EPHA4: variants seen among roughly 807,000 people sequenced by gnomAD.
EPHA4 encodes ephrin type-A receptor 4.
Under a neutral mutation model 108.3 loss-of-function variants are expected in EPHA4, and 19 were observed. That is an observed-to-expected ratio of 0.18 (90% CI 0.12 to 0.26). The LOEUF is 0.26. EPHA4 is among the 10% of genes least tolerant of loss of function. The pLI, the probability that EPHA4 is intolerant of heterozygous loss-of-function variation, is 1.00. For synonymous variants in EPHA4, 449 were observed against 455.5 expected, an observed-to-expected ratio of 0.99 and a Z score of 0.18; for missense variants, 917 against 1,254.0, an observed-to-expected ratio of 0.73 and a Z score of 4.06.
At chr2:221,537,911 T>C (rs1223694599) in intron 3 of EPHA4, among the ~76,000 whole-genome samples, 1 of 152,224 alleles carries the variant, frequency 6.6e-6, no homozygotes, top group African/African-American at 2.4e-5. Flanking sequence ...TCCAAAACAT[T>C]TCCACAAAAG....
At chr2:221,504,176 T>G (rs1036647579) in intron 3 of EPHA4, among the ~76,000 whole-genome samples, 2 of 152,196 alleles carry the variant, frequency 1.3e-5, no homozygotes, top group African/African-American at 2.4e-5. Flanking sequence ...CTGCCCTATT[T>G]CCACCGAAGT....
At chr2:221,430,187 AG>A in intron 14 of EPHA4, 36 bp from the exon 15 acceptor site, 1 of 1,559,164 alleles carries the variant, frequency 6.4e-7, no homozygotes, top group Non-Finnish European at 8.7e-7. Flanking sequence ...TTAAGCTGCC[AG>A]GCAAGCTGCT....
chr2:221,474,189 G>C (rs1691584932), intron 5 of EPHA4, among the ~76,000 whole-genome samples: 1 of 152,046 alleles, frequency 6.6e-6, no homozygotes, highest in Non-Finnish European at 1.5e-5. Flanking sequence ...GGCTCTTTTG[G>C]CAGGCTTTTA....
At chr2:221,560,484 A>G (rs1225300535) in intron 3 of EPHA4, among the ~76,000 whole-genome samples, 1 of 152,188 alleles carries the variant, frequency 6.6e-6, no homozygotes, top group Non-Finnish European at 1.5e-5. Context: ...GTATATTATT[A>G]TTTGTTAGGG....
chr2:221,550,312 A>T (rs910030822), intron 3 of EPHA4, among the ~76,000 whole-genome samples: 1 of 152,142 alleles, frequency 6.6e-6, no homozygotes, highest in Non-Finnish European at 1.5e-5. Flanking sequence ...TTTGCAAAGA[A>T]AAGATAGTTC....
intron 17 of EPHA4, among the ~76,000 whole-genome samples, chr2:221,421,453 A>C (rs964309023): frequency 7.2e-5 from 11 of 152,234 alleles, no homozygotes; most frequent in South Asian, 2.1e-4. Context: ...CAGGCAGGAG[A>C]GAGGGAACAT....
chr2:221,458,883 A>T lies in EPHA4; in HGVS notation c.1319-893T>A, dbSNP rs569968803. On this transcript the variant is annotated intron_variant, in intron 5 of 17. Transcript: ENST00000281821. ...ATTCATGAAATCCTTAATCTTATCT[A>T]ACAAAGCTGCCCTGGAGAACCAGAG... 3.9e-4 allele frequency among the ~76,000 whole-genome samples: 60 copies of T among 152,288 alleles called. 1 individual carries two copies. The highest frequency in any genetic ancestry group is 1.3e-3 in the African/African-American group (56 of 41,560).
At chr2:221,518,645 A>G (rs1165364505) in intron 3 of EPHA4, among the ~76,000 whole-genome samples, 1 of 152,254 alleles carries the variant, frequency 6.6e-6, no homozygotes, top group Non-Finnish European at 1.5e-5. Flanking sequence ...ACCAAGCTGT[A>G]CGAAGATCAT....
intron 4 of EPHA4, among the ~76,000 whole-genome samples, chr2:221,491,527 T>A (rs1692143066): frequency 6.6e-6 from 1 of 152,126 alleles, no homozygotes; most frequent in Non-Finnish European, 1.5e-5. Flanking sequence ...ACAAATAATA[T>A]AAAGAAAATA....
intron 3 of EPHA4, among the ~76,000 whole-genome samples, chr2:221,514,440 G>T (rs181254065): frequency 4.6e-5 from 7 of 152,246 alleles, no homozygotes; most frequent in Middle Eastern, 3.4e-3. Context: ...TCCCAACCTC[G>T]GGGATTTTGG....
At chr2:221,440,608 C>CT (rs540476239) in intron 11 of EPHA4, among the ~76,000 whole-genome samples, 22,071 of 139,638 alleles carry the variant, frequency 0.16, 2,134 homozygotes, top group East Asian at 0.27. Flanking sequence ...ACCAAGGTTC[C>CT]TTTTTTTTTT....
rs781338755 is a variant in EPHA4, at chr2:221,568,789, C to CA, written c.92-5dup. The CA allele has an allele frequency of 2.8e-5, 45 of 1,609,802 alleles. No individual in the cohort carries two copies. The highest frequency in any genetic ancestry group is 1.6e-4 in the Middle Eastern group (1 of 6,072). On this transcript the variant is annotated splice_region_variant and splice_polypyrimidine_tract_variant and intron_variant, in intron 1 of 17. Transcript: ENST00000281821. Reference sequence around the variant, plus strand: ...GATCTGGAATCCAATAAGGTAACTGCAAAAAACAAAAGAAAAATAGATGAA... The same window carrying CA: ...GATCTGGAATCCAATAAGGTAACTGCAAAAAAACAAAAGAAAAATAGATGAA...
At chr2:221,533,609 C>T (rs547706595) in intron 3 of EPHA4, among the ~76,000 whole-genome samples, 6 of 151,680 alleles carry the variant, frequency 4.0e-5, no homozygotes, top group Non-Finnish European at 7.4e-5. Flanking sequence ...TGAACGAGTT[C>T]CAGTCTATGG....
intron 3 of EPHA4, among the ~76,000 whole-genome samples, chr2:221,527,694 T>C (rs1386836288): frequency 2.0e-5 from 3 of 152,190 alleles, no homozygotes; most frequent in African/African-American, 7.2e-5. Flanking sequence ...AACATAACAT[T>C]GGCCTGGATC....
intron 3 of EPHA4, among the ~76,000 whole-genome samples, chr2:221,501,537 C>A (rs990517348): frequency 2.6e-5 from 4 of 152,142 alleles, no homozygotes; most frequent in Non-Finnish European, 5.9e-5. Flanking sequence ...TTATCTCTAC[C>A]TTAGAAGTGA....
At chr2:221,511,524 A>ACC (rs1692828930) in intron 3 of EPHA4, among the ~76,000 whole-genome samples, 1 of 151,974 alleles carries the variant, frequency 6.6e-6, no homozygotes, top group Non-Finnish European at 1.5e-5. Context: ...CGATTTCTGT[A>ACC]TGTCACTTCC....
chr2:221,436,692 T>A, intron 12 of EPHA4, 84 bp from the exon 13 acceptor site: 1 of 1,369,884 alleles, frequency 7.3e-7, no homozygotes, highest in Non-Finnish European at 1.0e-6. Flanking sequence ...TGAATCTTTT[T>A]GGGTATCTGT....
intron 4 of EPHA4, 71 bp downstream of exon 4, chr2:221,500,946 T>C: frequency 6.9e-7 from 1 of 1,446,446 alleles, no homozygotes; most frequent in East Asian, 2.5e-5. Context: ...GGAGAAGACC[T>C]GGCAGTGCCT....
chr2:221,456,172 T>C (rs1391487732), intron 7 of EPHA4, among the ~76,000 whole-genome samples: 6 of 140,650 alleles, frequency 4.3e-5, no homozygotes, highest in African/African-American at 1.6e-4. Context: ...AAAGGGTCTT[T>C]AAAAAAAAAA....
Sources: allele counts gnomAD v4.1 joint callset (sites outside exome capture counted in the v4.1 genomes callset), GRCh38; gene constraint gnomAD v4.1.1; transcripts MANE v1.5; gene names NCBI Gene and HGNC (gene_info 2026-07-23, HGNC 2026-07-21).